PIEZO2: variants seen among roughly 807,000 people sequenced by gnomAD.
PIEZO2 encodes the protein piezo-type mechanosensitive ion channel component 2.
Under a neutral mutation model 337.3 loss-of-function variants are expected in PIEZO2, and 172 were observed. The observed-to-expected ratio is 0.51, with a 90% CI of 0.45 to 0.58. The LOEUF is 0.58. PIEZO2 is among the 20% of genes least tolerant of loss of function. The pLI is 0.00. For synonymous variants in PIEZO2, 1,251 were observed against 1,228.5 expected (o/e 1.02, Z -0.38); for missense variants, 3,028 against 3,391.3 (o/e 0.89, Z 2.66).
rs1005196105 is a variant in PIEZO2, at chr18:10,899,385, T to C, written c.329+11801A>G. On this transcript the variant is annotated intron_variant, in intron 4 of 55. Transcript: ENST00000674853. This position sits in a 1 kb window ranked among gnomAD's most constrained non-coding sequence, Gnocchi z 4.6. ...CTAGGATAATGTATTTCCAAAGATT[T>C]GGATGGAAAACTCAAACACTTCCTA... is the stretch of plus-strand genomic sequence containing the variant. Among the ~76,000 whole-genome samples the C allele has an allele frequency of 1.3e-5, 2 of 152,224 alleles. No homozygotes were observed. Among genetic ancestry groups the C allele is most frequent in the Non-Finnish European group, 2.9e-5 (2 of 68,048 alleles).
chr18:10,908,631 A>G (rs2030175965), intron 4 of PIEZO2: 1 of 152,246 alleles, frequency 6.6e-6, no homozygotes, highest in East Asian at 1.9e-4. Flanking sequence ...TGATGTGCAG[A>G]ATACTGTTGG....
intron 7 of PIEZO2, 149 bp from the exon 8 acceptor site, chr18:10,807,423 C>CATATTTATATGTATAAATAT: frequency 1.5e-6 from 1 of 649,726 alleles, no homozygotes; most frequent in African/African-American, 1.8e-5. Context: ...CTTCTGTATA[C>CATATTTATATGTATAAATAT]GTAATTACAT....
chr18:10,910,640 T>C (rs1010467316), intron 4 of PIEZO2, among the ~76,000 whole-genome samples: 2 of 151,866 alleles, frequency 1.3e-5, no homozygotes, highest in Admixed American at 6.6e-5. Context: ...GAAAAGAAAA[T>C]GCATGGACCT....
chr18:10,682,009 T>C lies in PIEZO2; in HGVS notation c.7686+95A>G. On this transcript the variant is annotated intron_variant, in intron 50 of 55. Transcript: ENST00000674853. The surrounding 1 kb of genome is among the most constrained non-coding windows in gnomAD (Gnocchi z 5.6). ...GAGCAGTCAAATGCCGACAGCAGGG[T>C]CGGCAGCCCATGACTAAACACCCTA... 1 of 1,240,544 alleles carries C rather than the reference T, an allele frequency of 8.1e-7. No homozygotes were observed. The highest frequency in any genetic ancestry group is 1.1e-6 in the Non-Finnish European group (1 of 916,480). 76.8% of individuals were successfully genotyped at this position (1,240,544 alleles called of 1,614,324 possible). A position where few individuals can be genotyped will look rare whatever the true frequency, so the allele number is the denominator to read the frequency against.
chr18:10,711,323 C>T (rs1215948356), intron 39 of PIEZO2, among the ~76,000 whole-genome samples: 2 of 152,070 alleles, frequency 1.3e-5, no homozygotes, highest in African/African-American at 4.8e-5. Context: ...ATTTTCAATT[C>T]ACCTTTGAAT....
At chr18:10,985,537 G>T (rs535311560) in intron 2 of PIEZO2, among the ~76,000 whole-genome samples, 25 of 152,028 alleles carry the variant, frequency 1.6e-4, no homozygotes, top group Admixed American at 6.5e-4. Flanking sequence ...CTATTCCATT[G>T]TTCTATTTGT....
At chr18:11,029,226 T>A (rs2036644497) in intron 2 of PIEZO2, among the ~76,000 whole-genome samples, 1 of 152,178 alleles carries the variant, frequency 6.6e-6, no homozygotes, top group Admixed American at 6.5e-5. Context: ...AGCTCTGATT[T>A]TTCCTCCGTC....
At chr18:10,754,991 C>T (rs1451445732) in intron 27 of PIEZO2, among the ~76,000 whole-genome samples, 1 of 152,058 alleles carries the variant, frequency 6.6e-6, no homozygotes, top group Non-Finnish European at 1.5e-5. Flanking sequence ...TGGAACAGAG[C>T]CTGGCGCAAA....
chr18:11,088,987 T>C (rs149780467), intron 1 of PIEZO2, among the ~76,000 whole-genome samples: 185 of 152,326 alleles, frequency 1.2e-3, no homozygotes, highest in African/African-American at 3.4e-3. Flanking sequence ...TAAATTACCA[T>C]AGAAACCACT....
At chr18:10,873,321 G>A (rs1486517352) in intron 4 of PIEZO2, among the ~76,000 whole-genome samples, 1 of 152,030 alleles carries the variant, frequency 6.6e-6, no homozygotes, top group Admixed American at 6.6e-5. Flanking sequence ...CCTTTTACAC[G>A]TGAAAAGACT....
intron 2 of PIEZO2, among the ~76,000 whole-genome samples, chr18:11,023,756 C>A (rs922685994): frequency 2.0e-5 from 3 of 152,206 alleles, no homozygotes; most frequent in African/African-American, 7.2e-5. Flanking sequence ...GGGGGAGGCT[C>A]AGGCATGGTG....
chr18:10,826,301 G>C lies in PIEZO2; in HGVS notation c.918-19027C>G, dbSNP rs577722545. Reference sequence around the variant, plus strand: ...GAAATATTTATCCATATCACCATCTGTATTTATGTTAAAGTAAATATGAGT... The same window carrying C: ...GAAATATTTATCCATATCACCATCTCTATTTATGTTAAAGTAAATATGAGT... On this transcript the variant is annotated intron_variant, in intron 7 of 55. Coordinates refer to ENST00000674853, the MANE Select transcript of PIEZO2 (RefSeq NM_001378183.1). 2.6e-4 allele frequency among the ~76,000 whole-genome samples: 40 copies of C among 152,298 alleles called. No individual in the cohort carries two copies. In the South Asian group the frequency reaches 8.3e-3, roughly 32 times the overall value.
chr18:11,034,647 T>C (rs1048483559), intron 2 of PIEZO2, among the ~76,000 whole-genome samples: 1 of 152,178 alleles, frequency 6.6e-6, no homozygotes. Context: ...TACCACTACC[T>C]ATTAGTGGAA....
chr18:11,026,605 G>A (rs1233911499), intron 2 of PIEZO2, among the ~76,000 whole-genome samples: 1 of 152,234 alleles, frequency 6.6e-6, no homozygotes, highest in East Asian at 1.9e-4. Flanking sequence ...TATGGAAAGA[G>A]ATACATATAC....
chr18:11,107,490 A>G (rs2039603207), intron 1 of PIEZO2, among the ~76,000 whole-genome samples: 1 of 152,144 alleles, frequency 6.6e-6, no homozygotes, highest in Middle Eastern at 3.4e-3. Context: ...ACATTAAAAA[A>G]CTCAGTTGAA....
At chr18:11,018,378 A>G (rs1242992556) in intron 2 of PIEZO2, among the ~76,000 whole-genome samples, 1 of 115,630 alleles carries the variant, frequency 8.6e-6, no homozygotes, top group Admixed American at 9.4e-5. Context: ...GACTCCCAAC[A>G]TGTCGTGTGT....
At position 10,744,130 on chromosome 18, in the gene PIEZO2, T is replaced by C. The variant is rs2037331356; in HGVS notation, c.4514+12A>G. On this transcript the variant is annotated intron_variant, in intron 31 of 55. Coordinates refer to ENST00000674853, the MANE Select transcript of PIEZO2 (RefSeq NM_001378183.1). The stretch of plus-strand genomic sequence containing the variant: ...AAGACGGAAGGAGGATGAGCATCAA[T>C]AGCATCCTTACTGTCGCTTCAGCTG... 3 of 1,514,276 alleles carry C rather than the reference T, an allele frequency of 2.0e-6. 1 individual carries two copies. In the South Asian group the frequency reaches 3.6e-5, roughly 18 times the overall value. 93.8% of individuals were successfully genotyped at this position (1,514,276 alleles called of 1,614,324 possible).
At chr18:10,916,622 G>A (rs560824033) in intron 3 of PIEZO2, among the ~76,000 whole-genome samples, 22 of 152,264 alleles carry the variant, frequency 1.4e-4, no homozygotes, top group Admixed American at 3.3e-4. Flanking sequence ...CGCGTCGGCC[G>A]GCGAGTGCAA....
At chr18:10,703,781 G>C (rs373673898) in intron 42 of PIEZO2, among the ~76,000 whole-genome samples, 2 of 152,150 alleles carry the variant, frequency 1.3e-5, no homozygotes, top group East Asian at 3.8e-4. Flanking sequence ...TGAGCAGAAG[G>C]CTCCTCATAC....
Sources: allele counts gnomAD v4.1 joint callset (sites outside exome capture counted in the v4.1 genomes callset), GRCh38; gene constraint gnomAD v4.1.1; non-coding constraint Gnocchi (gnomAD v3.1); transcripts MANE v1.5; gene names NCBI Gene and HGNC (gene_info 2026-07-23, HGNC 2026-07-21).